Variants in MAML2 observed in about 807,000 individuals in gnomAD.
MAML2 encodes mastermind-like protein 2.
A neutral mutation model predicts 96.1 loss-of-function variants in MAML2; 22 were observed. The ratio of observed to expected loss-of-function variants is 0.23; its 90% CI spans 0.16 to 0.33. The LOEUF is 0.33. MAML2 is among the 10% of genes least tolerant of loss of function. MAML2 has a pLI of 1.00. For synonymous variants in MAML2, 561 were observed against 521.3 expected (o/e 1.08, Z -1.04); for missense variants, 1,367 against 1,392.4 (o/e 0.98, Z 0.29).
intron 1 of MAML2, among the ~76,000 whole-genome samples, chr11:96,191,492 AG>A (rs1861652985): frequency 8.1e-6 from 1 of 124,208 alleles, no homozygotes; most frequent in Non-Finnish European, 1.8e-5. Context: ...AAAAAAAAAA[AG>A]GGCCGGGAGC....
intron 2 of MAML2, among the ~76,000 whole-genome samples, chr11:96,088,113 G>T (rs543542101): frequency 1.3e-5 from 2 of 152,260 alleles, no homozygotes; most frequent in East Asian, 3.9e-4. Context: ...TTACACCAAG[G>T]GTTGATATGG....
At chr11:96,090,463 T>C (rs1565210647) in intron 2 of MAML2, among the ~76,000 whole-genome samples, 1 of 152,216 alleles carries the variant, frequency 6.6e-6, no homozygotes, top group Non-Finnish European at 1.5e-5. Flanking sequence ...AGAAGTTCAG[T>C]GAGTCCCTTG....
At chr11:96,226,250 G>A (rs1862208294) in intron 1 of MAML2, among the ~76,000 whole-genome samples, 1 of 152,102 alleles carries the variant, frequency 6.6e-6, no homozygotes, top group Non-Finnish European at 1.5e-5. Context: ...AAAGACTCTG[G>A]GCCAATTACA....
chr11:96,057,121 GTTTTC>G (rs915913531), intron 2 of MAML2, among the ~76,000 whole-genome samples: 1 of 152,078 alleles, frequency 6.6e-6, no homozygotes, highest in Non-Finnish European at 1.5e-5. Flanking sequence ...AGAACTTGGG[GTTTTC>G]TTTTTTGTTT....
chr11:96,138,713 ACC>A, intron 1 of MAML2, among the ~76,000 whole-genome samples: 2 of 152,008 alleles, frequency 1.3e-5, no homozygotes, highest in African/African-American at 4.8e-5. Flanking sequence ...AGCAGGAAGC[ACC>A]TCCGAGACAT....
intron 1 of MAML2, among the ~76,000 whole-genome samples, chr11:96,116,878 C>T (rs189691705): frequency 3.3e-5 from 5 of 152,220 alleles, no homozygotes; most frequent in Admixed American, 6.5e-5. Flanking sequence ...AAATAAAATA[C>T]GTAGCACATG....
intron 1 of MAML2, among the ~76,000 whole-genome samples, chr11:96,102,717 T>C (rs1859955679): frequency 6.6e-6 from 1 of 152,236 alleles, no homozygotes; most frequent in Non-Finnish European, 1.5e-5. Flanking sequence ...CTACTGACTA[T>C]ATCCTTAGTC....
intron 1 of MAML2, among the ~76,000 whole-genome samples, chr11:96,156,318 A>G (rs768561140): frequency 1.3e-5 from 2 of 152,168 alleles, no homozygotes; most frequent in Non-Finnish European, 2.9e-5. Context: ...GGTTCATGAA[A>G]TTAGTCACTT....
At chr11:96,002,121 TTGTCACTCTA>T (rs1184237566) in intron 2 of MAML2, among the ~76,000 whole-genome samples, 3 of 152,174 alleles carry the variant, frequency 2.0e-5, no homozygotes, top group African/African-American at 7.2e-5. Flanking sequence ...TAGGCAGCCT[TTGTCACTCTA>T]TATCACAATT....
At chr11:96,215,610 C>A (rs1457826802) in intron 1 of MAML2, among the ~76,000 whole-genome samples, 1 of 151,850 alleles carries the variant, frequency 6.6e-6, no homozygotes, top group East Asian at 1.9e-4. Context: ...AGAGACAGAC[C>A]GACCTCATGA....
chr11:96,056,588 C>T (rs1461664131), intron 2 of MAML2, among the ~76,000 whole-genome samples: 1 of 152,118 alleles, frequency 6.6e-6, no homozygotes, highest in Admixed American at 6.5e-5. Flanking sequence ...TTAATATACA[C>T]AATAGATTCT....
chr11:96,179,513 A>G (rs1861450047), intron 1 of MAML2, among the ~76,000 whole-genome samples: 1 of 152,178 alleles, frequency 6.6e-6, no homozygotes, highest in African/African-American at 2.4e-5. Context: ...GAAAAATGGG[A>G]TCAGATGGCC....
intron 3 of MAML2, among the ~76,000 whole-genome samples, chr11:95,986,523 G>C (rs565944937): frequency 3.3e-5 from 5 of 152,154 alleles, no homozygotes; most frequent in East Asian, 1.9e-4. Flanking sequence ...TGTTAAATCT[G>C]ATGACCCTAG....
At position 95,985,633 on chromosome 11, in the gene MAML2, C is replaced by A; in HGVS notation, c.2353G>T (p.Ala785Ser). 1 of 1,599,010 alleles carries A rather than the reference C, an allele frequency of 6.3e-7. No homozygotes were observed. The highest frequency in any genetic ancestry group is 8.6e-7 in the Non-Finnish European group (1 of 1,167,658). Reference protein sequence around the residue: ...QQMLADAEKIAPQDQINRHLS... With the variant: ...QQMLADAEKISPQDQINRHLS... ...TGTCGGTTTATCTGATCTTGTGGAG[C>A]AATTTTCTCCTTGAGAAATGATATG... The change falls in exon 4 of 5, where the codon GCT becomes TCT. Residue 785 changes from alanine to serine, a missense_variant. By Grantham distance (99) the Ala-to-Ser change is moderately conservative. Coordinates refer to ENST00000524717, the MANE Select transcript of MAML2 (RefSeq NM_032427.4).
chr11:96,172,334 C>T (rs1861309750), intron 1 of MAML2, among the ~76,000 whole-genome samples: 1 of 152,208 alleles, frequency 6.6e-6, no homozygotes, highest in African/African-American at 2.4e-5. Flanking sequence ...ATGGATTCAT[C>T]ACTTGATGAA....
At chr11:96,261,236 T>C (rs1262288859) in intron 1 of MAML2, among the ~76,000 whole-genome samples, 1 of 152,012 alleles carries the variant, frequency 6.6e-6, no homozygotes, top group South Asian at 2.1e-4. Flanking sequence ...GCTAGCACAT[T>C]AGCACGCTCA....
rs58982358 is a variant in MAML2 at position 96,092,777 on chromosome 11, G to T, written c.1254C>A (p.Ser418=). 16,866 of 1,612,940 alleles carry T rather than the reference G, an allele frequency of 0.01. 1,420 individuals carry two copies. The African/African-American group carries it at 0.19, about 18-fold the overall frequency. Residue 418 remains serine, a synonymous_variant, in exon 2 of 5, where the codon TCC becomes TCA. Transcript: ENST00000524717. The surrounding 1 kb of genome is among the most constrained non-coding windows in gnomAD (Gnocchi z 4.1). ...AGCTTGGCAAGGCCCGGCTTGCTCC[G>T]GAGCCTGTCTGAGGCTGAGCCTGGC... The part of the protein sequence containing the change: ...PQSQAQPQTG[S]GASRALPSWQ...
intron 1 of MAML2, among the ~76,000 whole-genome samples, chr11:96,304,383 C>T (rs1007633622): frequency 6.6e-6 from 1 of 152,080 alleles, no homozygotes; most frequent in Non-Finnish European, 1.5e-5. Flanking sequence ...AGACTTGAGA[C>T]AAAAAGAGTT....
chr11:96,315,980 A>G (rs1863626839), intron 1 of MAML2, among the ~76,000 whole-genome samples: 1 of 152,272 alleles, frequency 6.6e-6, no homozygotes, highest in Non-Finnish European at 1.5e-5. Flanking sequence ...ATGTGGACAT[A>G]GCCTTGCCAT....
Sources: allele counts gnomAD v4.1 joint callset (sites outside exome capture counted in the v4.1 genomes callset), GRCh38; gene constraint gnomAD v4.1.1; non-coding constraint Gnocchi (gnomAD v3.1); transcripts MANE v1.5; gene names NCBI Gene and HGNC (gene_info 2026-07-23, HGNC 2026-07-21).